Variants in RBFOX1 observed in about 807,000 individuals in gnomAD.
RBFOX1 encodes RNA binding protein fox-1 homolog 1.
Under a neutral mutation model 57.7 loss-of-function variants are expected in RBFOX1, and 8 were observed. That is an observed-to-expected ratio of 0.14 (90% CI 0.08 to 0.25). The LOEUF is 0.25. Among genes scored for constraint, RBFOX1 ranks in the 10% least tolerant of loss-of-function variants. The pLI is 1.00. For synonymous variants in RBFOX1, 326 were observed against 222.4 expected (o/e 1.47, Z -4.15); for missense variants, 611 against 548.5 (o/e 1.11, Z -1.14).
At chr16:7,432,539 G>C (rs541525606) in intron 4 of RBFOX1, among the ~76,000 whole-genome samples, 3 of 152,242 alleles carry the variant, frequency 2.0e-5, no homozygotes, top group African/African-American at 7.2e-5. Context: ...TTTTATAAAG[G>C]ACCAGAGAGT....
At chr16:6,480,983 A>G (rs938987239) in intron 2 of RBFOX1, among the ~76,000 whole-genome samples, 2 of 152,344 alleles carry the variant, frequency 1.3e-5, no homozygotes, top group South Asian at 2.1e-4. Flanking sequence ...TATCACAAGC[A>G]ATAGCAATTA....
intron 3 of RBFOX1, among the ~76,000 whole-genome samples, chr16:7,033,190 A>G (rs977837603): frequency 2.0e-5 from 3 of 152,168 alleles, no homozygotes; most frequent in African/African-American, 7.2e-5. Flanking sequence ...TTTAGGGATT[A>G]TAGGGAGACC....
At chr16:5,263,489 C>T (rs535514093) in intron 1 of RBFOX1, among the ~76,000 whole-genome samples, 1 of 152,114 alleles carries the variant, frequency 6.6e-6, no homozygotes, top group Admixed American at 6.5e-5. Context: ...CATGTGGAGA[C>T]TTAAGTATGA....
At chr16:6,594,012 G>A (rs935021766) in intron 2 of RBFOX1, among the ~76,000 whole-genome samples, 2 of 152,136 alleles carry the variant, frequency 1.3e-5, no homozygotes, top group Non-Finnish European at 2.9e-5. Flanking sequence ...CAGTGTTACA[G>A]CTTGGACTGA....
In RBFOX1 at chr16:5,768,416, C is replaced by A. The variant is rs141838397; in HGVS notation, c.319-98887C>A. Among the ~76,000 whole-genome samples the A allele has an allele frequency of 2.3e-3, 345 of 152,298 alleles. 1 individual carries two copies. The highest frequency in any genetic ancestry group is 4.2e-3 in the Non-Finnish European group (285 of 68,024). On this transcript the variant is annotated intron_variant, in intron 3 of 19. Transcript: ENST00000641259. ...AAAGTCTGGTTTCAACATGACCTCA[C>A]TGTTTAGACCCCCTTAAAATACTTG...
chr16:6,078,516 C>A (rs533342026), intron 1 of RBFOX1, among the ~76,000 whole-genome samples: 38 of 152,240 alleles, frequency 2.5e-4, no homozygotes, highest in African/African-American at 8.9e-4. Context: ...AGACTGGACA[C>A]CCCTGTTCTA....
intron 1 of RBFOX1, among the ~76,000 whole-genome samples, chr16:6,205,799 A>G (rs1371705019): frequency 7.5e-6 from 1 of 133,202 alleles, no homozygotes; most frequent in Non-Finnish European, 1.6e-5. Context: ...TGTTTAAGAG[A>G]AGACTTTAAG....
At chr16:6,620,684 C>T (rs565872827) in intron 2 of RBFOX1, among the ~76,000 whole-genome samples, 1 of 152,022 alleles carries the variant, frequency 6.6e-6, no homozygotes, top group Non-Finnish European at 1.5e-5. Flanking sequence ...TACCCCTGGG[C>T]CCACAGAAAT....
At chr16:5,741,142 A>G (rs891998184) in intron 3 of RBFOX1, among the ~76,000 whole-genome samples, 34 of 152,182 alleles carry the variant, frequency 2.2e-4, no homozygotes. Flanking sequence ...AGTGTCATCT[A>G]TGGCCACCAT....
chr16:7,530,246 G>A (rs2079702396), intron 5 of RBFOX1, among the ~76,000 whole-genome samples: 1 of 152,072 alleles, frequency 6.6e-6, no homozygotes, highest in African/African-American at 2.4e-5. Context: ...CCCAATGTAA[G>A]GATGTCCTAA....
chr16:5,856,177 C>CTATA (rs1390412630), intron 3 of RBFOX1, among the ~76,000 whole-genome samples: 3 of 57,214 alleles, frequency 5.2e-5, no homozygotes, highest in East Asian at 4.2e-4. Context: ...CTCTCTCTCT[C>CTATA]TCTCTCTCTC....
intron 4 of RBFOX1, among the ~76,000 whole-genome samples, chr16:5,976,037 A>T (rs2060055367): frequency 1.3e-5 from 2 of 152,086 alleles, no homozygotes; most frequent in Admixed American, 1.3e-4. Context: ...CTAGCCACTC[A>T]GGAGGCTGAG....
chr16:5,856,606 A>ATATATATATATATATATATATATATAG (rs2057078985), intron 3 of RBFOX1, among the ~76,000 whole-genome samples: 1 of 34,126 alleles, frequency 2.9e-5, no homozygotes, highest in Non-Finnish European at 5.9e-5. Flanking sequence ...TATATATATA[A>ATATATATATATATATATATATATATAG]TCTTAGCCAG....
At chr16:6,350,447 A>G (rs1032024812) in intron 2 of RBFOX1, among the ~76,000 whole-genome samples, 63 of 4,956 alleles carry the variant, frequency 0.013, no homozygotes, top group African/African-American at 0.03. Context: ...GTCTCAAGAA[A>G]AAAAAAAAAA....
chr16:7,013,436 G>C (rs1388128460), intron 3 of RBFOX1, among the ~76,000 whole-genome samples: 1 of 152,262 alleles, frequency 6.6e-6, no homozygotes, highest in Non-Finnish European at 1.5e-5. Context: ...TGGTTGCTAC[G>C]ACTGGGAAGA....
chr16:5,526,441 A>T (rs1015890585), intron 2 of RBFOX1, among the ~76,000 whole-genome samples: 1 of 152,120 alleles, frequency 6.6e-6, no homozygotes, highest in Admixed American at 6.6e-5. Flanking sequence ...GCTGTGTGCC[A>T]CCATGTCCGG....
intron 1 of RBFOX1, among the ~76,000 whole-genome samples, chr16:5,244,224 C>T (rs1227177163): frequency 1.3e-5 from 2 of 152,236 alleles, no homozygotes; most frequent in Non-Finnish European, 2.9e-5. Context: ...ACAGACAAAG[C>T]ACAAAATACT....
chr16:7,705,293 T>G (rs903395554), intron 14 of RBFOX1, among the ~76,000 whole-genome samples: 2 of 151,918 alleles, frequency 1.3e-5, no homozygotes, highest in African/African-American at 4.8e-5. Flanking sequence ...GATCACGAGG[T>G]CAGGAGATCA....
intron 2 of RBFOX1, among the ~76,000 whole-genome samples, chr16:5,566,403 G>C (rs894184039): frequency 6.6e-6 from 1 of 152,030 alleles, no homozygotes; most frequent in African/African-American, 2.4e-5. Context: ...TAAATGTGAT[G>C]GAATTGACCG....
Sources: gnomAD v4.1 joint callset for allele counts (sites outside exome capture counted in the v4.1 genomes callset) on GRCh38, gnomAD v4.1.1 for gene constraint, MANE v1.5 for transcripts, NCBI Gene and HGNC (gene_info 2026-07-23, HGNC 2026-07-21) for gene names.